Variants in CDX1 observed in about 807,000 individuals in gnomAD.
CDX1 encodes the protein caudal type homeobox 1, also known as homeobox protein CDX-1.
In CDX1, 9 loss-of-function variants were observed where a neutral mutation model predicts 16.9. That is an observed-to-expected ratio of 0.53 (90% confidence interval 0.32 to 0.93). The LOEUF (loss-of-function observed/expected upper bound fraction) is 0.93. Ranked by LOEUF, CDX1 falls within the 40% of genes least tolerant of loss-of-function variation. The pLI, the probability that CDX1 is intolerant of heterozygous loss-of-function variation, is 0.04. For missense variants in CDX1, 393 were observed against 386.1 expected (o/e 1.02, Z -0.15); for synonymous variants, 179 against 179.0 (o/e 1.00, Z 0.00).
rs762796839 is a variant in CDX1, at chr5:150,166,857, C to A, written c.-20C>A. On this transcript the variant is annotated 5_prime_UTR_variant, in exon 1 of 3. Coordinates refer to ENST00000231656, the MANE Select transcript of CDX1 (RefSeq NM_001804.3). Reference sequence around the variant, plus strand: ...CGGCGGCTCCAGGGCCCAGCATGCGCGGGGGACCCCGCGGCCACCATGTAT... The same window carrying A: ...CGGCGGCTCCAGGGCCCAGCATGCGAGGGGGACCCCGCGGCCACCATGTAT... 1.4e-6 allele frequency: 2 copies of A among 1,452,708 alleles called. No homozygotes were observed. Among genetic ancestry groups the A allele is most frequent in the Non-Finnish European group, 1.8e-6 (2 of 1,104,382 alleles). 90.0% of individuals were successfully genotyped at this position (1,452,708 alleles called of 1,614,324 possible).
rs558728439 is a variant in CDX1 at position 150,167,417 on chromosome 5, G to C, written c.445+96G>C. 6 of 879,600 alleles carry C rather than the reference G, an allele frequency of 6.8e-6. No homozygotes were observed. The South Asian group carries it at 3.5e-4, about 51-fold the overall frequency. The allele number at this position is 879,600 out of a possible 1,614,324, so 54.5% of individuals were successfully genotyped here. ...TCTGACCTCTGCTCCGGCCCTGCTCGGGTTCCCGGGAGTGTGGCCCTCCTG... is the reference window on the plus strand; with the variant it reads ...TCTGACCTCTGCTCCGGCCCTGCTCCGGTTCCCGGGAGTGTGGCCCTCCTG... On this transcript the variant is annotated intron_variant, in intron 1 of 2. Transcript: ENST00000231656.
At chr5:150,173,263 G>C (rs887133446) in intron 1 of CDX1, among the ~76,000 whole-genome samples, 2 of 152,190 alleles carry the variant, frequency 1.3e-5, no homozygotes, top group African/African-American at 4.8e-5. Context: ...AGTGTCTTCT[G>C]TCCTGAACTT....
intron 1 of CDX1, among the ~76,000 whole-genome samples, chr5:150,168,086 C>G (rs554197783): frequency 6.6e-6 from 1 of 152,330 alleles, no homozygotes; most frequent in East Asian, 1.9e-4. Flanking sequence ...ATGGGTCCCC[C>G]CTTTGTCATG....
chr5:150,180,765 G>A (rs977402241), intron 1 of CDX1, among the ~76,000 whole-genome samples: 30 of 152,102 alleles, frequency 2.0e-4, no homozygotes, highest in African/African-American at 7.0e-4. Context: ...CTGGTGCTTA[G>A]CCAGGCCCCA....
At chr5:150,167,918 G>T (rs1470520842) in intron 1 of CDX1, among the ~76,000 whole-genome samples, 2 of 152,240 alleles carry the variant, frequency 1.3e-5, no homozygotes, top group Non-Finnish European at 2.9e-5. Context: ...CCCCGGGGGA[G>T]GGGAAGCGGG....
At chr5:150,170,754 T>C (rs1761494744) in intron 1 of CDX1, among the ~76,000 whole-genome samples, 1 of 152,190 alleles carries the variant, frequency 6.6e-6, no homozygotes, top group Non-Finnish European at 1.5e-5. Context: ...AGAGAGAGGC[T>C]GTTGGGCTTC....
chr5:150,183,407 CCTT>C (rs1752495072), intron 2 of CDX1, 64 bp from the exon 3 acceptor site: 80 of 1,395,048 alleles, frequency 5.7e-5, no homozygotes, highest in Non-Finnish European at 7.6e-5. Context: ...CCTCGTCTCT[CCTT>C]CTTGCACTCT....
chr5:150,169,973 C>G (rs1366871555), intron 1 of CDX1, among the ~76,000 whole-genome samples: 2 of 152,334 alleles, frequency 1.3e-5, no homozygotes, highest in South Asian at 2.1e-4. Flanking sequence ...GGTTTCCCAT[C>G]ATATGTAGGA....
chr5:150,176,244 C>T (rs1202283137), intron 1 of CDX1, among the ~76,000 whole-genome samples: 2 of 152,212 alleles, frequency 1.3e-5, no homozygotes, highest in African/African-American at 4.8e-5. Context: ...TCCTCCTGAG[C>T]CCCTCTTTCC....
rs1580841265 is a variant in CDX1 at position 150,180,321 on chromosome 5, T to A, written c.446-2447T>A. On this transcript the variant is annotated intron_variant, in intron 1 of 2. Transcript: ENST00000231656. ...GCCAAACCTGGCTGAAGTCCGAGGC[T>A]ATCCCGTGCTATGCTGGGCAGCGGA... Among the ~76,000 whole-genome samples the A allele has an allele frequency of 5.3e-5, 8 of 152,352 alleles. No homozygotes were observed. In the South Asian group the frequency reaches 1.7e-3, roughly 32 times the overall value.
At chr5:150,168,770 A>G (rs1195865534) in intron 1 of CDX1, among the ~76,000 whole-genome samples, 2 of 152,206 alleles carry the variant, frequency 1.3e-5, no homozygotes, top group South Asian at 2.1e-4. Context: ...TAAATCAGTC[A>G]TCTTTTCTGG....
At chr5:150,180,262 G>A (rs1050564547) in intron 1 of CDX1, among the ~76,000 whole-genome samples, 1 of 152,246 alleles carries the variant, frequency 6.6e-6, no homozygotes, top group Non-Finnish European at 1.5e-5. Context: ...TGGAGCCAAG[G>A]CCTGGGCAGC....
At chr5:150,174,815 C>T (rs10079297) in intron 1 of CDX1, among the ~76,000 whole-genome samples, 8,508 of 147,704 alleles carry the variant, frequency 0.058, 279 homozygotes, top group Middle Eastern at 0.12. Flanking sequence ...TTGCTCTTGT[C>T]GCCCAGGCTG....
intron 1 of CDX1, among the ~76,000 whole-genome samples, chr5:150,173,543 A>G (rs887375309): frequency 1.3e-5 from 2 of 152,140 alleles, no homozygotes; most frequent in Non-Finnish European, 2.9e-5. Context: ...GGTTTAGCTC[A>G]TTGCTCACTT....
At chr5:150,168,785 CA>C (rs1761465702) in intron 1 of CDX1, among the ~76,000 whole-genome samples, 1 of 152,200 alleles carries the variant, frequency 6.6e-6, no homozygotes, top group Non-Finnish European at 1.5e-5. Context: ...TTCTGGGTTT[CA>C]GTTCTACTGT....
intron 1 of CDX1, among the ~76,000 whole-genome samples, chr5:150,167,619 C>T (rs1481156005): frequency 2.0e-5 from 3 of 152,232 alleles, no homozygotes; most frequent in Non-Finnish European, 4.4e-5. Context: ...AACGCAGGCT[C>T]CCAGACTCGT....
chr5:150,173,042 C>G (rs1016392041), intron 1 of CDX1, among the ~76,000 whole-genome samples: 7 of 152,206 alleles, frequency 4.6e-5, no homozygotes, highest in Non-Finnish European at 8.8e-5. Context: ...ACGCTCACCC[C>G]TCAGGCTTGT....
intron 1 of CDX1, among the ~76,000 whole-genome samples, chr5:150,173,132 T>G (rs1265098901): frequency 6.6e-6 from 1 of 152,238 alleles, no homozygotes; most frequent in East Asian, 1.9e-4. Context: ...GGCTTCCTTT[T>G]GTTCTTGAAA....
chr5:150,179,125 C>T (rs1409198630), intron 1 of CDX1, among the ~76,000 whole-genome samples: 3 of 152,138 alleles, frequency 2.0e-5, no homozygotes, highest in South Asian at 4.1e-4. Context: ...CCAAGTTGGG[C>T]GCTAAGGAGG....
Sources: gnomAD v4.1 joint callset for allele counts (sites outside exome capture counted in the v4.1 genomes callset) on GRCh38, gnomAD v4.1.1 for gene constraint, MANE v1.5 for transcripts, NCBI Gene and HGNC (gene_info 2026-07-23, HGNC 2026-07-21) for gene names.